The following TTC27 variants were observed in gnomAD, a reference collection of about 807,000 sequenced individuals.
The protein encoded by TTC27 is tetratricopeptide repeat protein 27.
In TTC27, 79 loss-of-function variants were observed where a neutral mutation model predicts 115.9. The ratio of observed to expected loss-of-function variants is 0.68; its 90% CI spans 0.57 to 0.82. The LOEUF (loss-of-function observed/expected upper bound fraction) is 0.82, where lower values mean the gene tolerates loss of function less well. TTC27 is among the 40% of genes least tolerant of loss of function. The probability of loss-of-function intolerance (pLI) is 0.00; values close to 1 mark genes in which losing one functional copy is unlikely to be tolerated. For missense variants in TTC27, 1,054 were observed against 993.1 expected, an observed-to-expected ratio of 1.06 and a Z score of -0.82; for synonymous variants, 401 against 356.0, an observed-to-expected ratio of 1.13 and a Z score of -1.42.
intron 12 of TTC27, among the ~76,000 whole-genome samples, chr2:32,738,104 A>G (rs1668504934): frequency 6.6e-6 from 1 of 152,200 alleles, no homozygotes; most frequent in African/African-American, 2.4e-5. Flanking sequence ...GTAAATGAGG[A>G]AAGGTTTCCC....
intron 9 of TTC27, among the ~76,000 whole-genome samples, chr2:32,686,543 T>G (rs1254324075): frequency 6.6e-6 from 1 of 151,808 alleles, no homozygotes; most frequent in Non-Finnish European, 1.5e-5. Context: ...TGTGTTTGGG[T>G]AGAGACAGAG....
At chr2:32,717,341 C>G (rs182668483) in intron 10 of TTC27, among the ~76,000 whole-genome samples, 1 of 152,040 alleles carries the variant, frequency 6.6e-6, no homozygotes, top group African/African-American at 2.4e-5. Context: ...TGTGAGTGTA[C>G]TGATTATTGA....
intron 12 of TTC27, among the ~76,000 whole-genome samples, chr2:32,747,529 G>A (rs1350313432): frequency 5.9e-5 from 9 of 152,154 alleles, no homozygotes; most frequent in Admixed American, 5.9e-4. Flanking sequence ...GGTACTTGAT[G>A]TACAGTTTCT....
chr2:32,757,350 T>A (rs1021640022), intron 12 of TTC27, among the ~76,000 whole-genome samples: 16 of 152,206 alleles, frequency 1.1e-4, no homozygotes, highest in African/African-American at 3.6e-4. Flanking sequence ...CCTGATATCA[T>A]TAAGTAAACC....
At chr2:32,780,597 G>A (rs904276850) in intron 14 of TTC27, among the ~76,000 whole-genome samples, 3 of 151,896 alleles carry the variant, frequency 2.0e-5, no homozygotes, top group African/African-American at 4.8e-5. Context: ...GCAGCACCAC[G>A]CCTGACAAAT....
chr2:32,769,669 G>T (rs1205319705), intron 13 of TTC27, among the ~76,000 whole-genome samples: 1 of 152,102 alleles, frequency 6.6e-6, no homozygotes, highest in Non-Finnish European at 1.5e-5. Flanking sequence ...GAAGATATTA[G>T]CTTTGGAAAT....
At chr2:32,788,537 T>G (rs955970594) in intron 16 of TTC27, among the ~76,000 whole-genome samples, 2 of 152,238 alleles carry the variant, frequency 1.3e-5, no homozygotes, top group Non-Finnish European at 1.5e-5. Context: ...ATTGGCTTCC[T>G]TGGTCAGTCT....
At chr2:32,796,487 TAAA>T (rs1670706887) in intron 16 of TTC27, among the ~76,000 whole-genome samples, 1 of 152,040 alleles carries the variant, frequency 6.6e-6, no homozygotes, top group African/African-American at 2.4e-5. Flanking sequence ...TCTACAGAAA[TAAA>T]AAGATTATAA....
chr2:32,782,752 G>T, intron 15 of TTC27, 74 bp downstream of exon 15: 1 of 1,183,080 alleles, frequency 8.5e-7, no homozygotes, highest in African/African-American at 1.5e-5. Flanking sequence ...ACTGAACATT[G>T]TTTCAATGTT....
chr2:32,814,724 T>G (rs1277706747), intron 18 of TTC27, among the ~76,000 whole-genome samples: 1 of 152,158 alleles, frequency 6.6e-6, no homozygotes, highest in Non-Finnish European at 1.5e-5. Context: ...TTGCCTGCAG[T>G]GTTCAGTACA....
At chr2:32,745,090 A>G (rs982916495) in intron 12 of TTC27, among the ~76,000 whole-genome samples, 2 of 147,768 alleles carry the variant, frequency 1.4e-5, no homozygotes, top group Non-Finnish European at 3.0e-5. Flanking sequence ...AAGCACATAT[A>G]TCCTCACAGA....
At chr2:32,819,752 G>C (rs1223475726) in intron 19 of TTC27, among the ~76,000 whole-genome samples, 1 of 152,162 alleles carries the variant, frequency 6.6e-6, no homozygotes, top group East Asian at 1.9e-4. Context: ...GTGGCATGAA[G>C]GGGCTGTTCA....
chr2:32,690,834 C>G (rs1387200096), intron 9 of TTC27, among the ~76,000 whole-genome samples: 1 of 152,180 alleles, frequency 6.6e-6, no homozygotes, highest in Non-Finnish European at 1.5e-5. Context: ...AATGAATGCT[C>G]TTTTAAGTAG....
chr2:32,696,199 G>A (rs1256936482), intron 9 of TTC27, among the ~76,000 whole-genome samples: 3 of 151,580 alleles, frequency 2.0e-5, no homozygotes, highest in Non-Finnish European at 4.4e-5. Flanking sequence ...CATCTGTGTT[G>A]TGTATATCAG....
intron 13 of TTC27, among the ~76,000 whole-genome samples, chr2:32,767,579 A>C (rs1028896980): frequency 1.6e-4 from 24 of 149,262 alleles, no homozygotes; most frequent in African/African-American, 5.5e-4. Flanking sequence ...CTCCTGCCTC[A>C]GCCTCCCGAG....
intron 2 of TTC27, 64 bp from the exon 3 acceptor site, chr2:32,633,812 G>A: frequency 6.6e-7 from 1 of 1,508,654 alleles, no homozygotes; most frequent in Non-Finnish European, 9.1e-7. Context: ...AAATGGAATA[G>A]TGTGTTTGAG....
intron 13 of TTC27, among the ~76,000 whole-genome samples, chr2:32,765,864 T>G (rs547605691): frequency 1.1e-4 from 17 of 152,304 alleles, no homozygotes; most frequent in African/African-American, 4.1e-4. Flanking sequence ...CTTCTCCACC[T>G]TTCTCAGCCT....
intron 9 of TTC27, among the ~76,000 whole-genome samples, chr2:32,681,703 G>A (rs945228497): frequency 2.1e-5 from 3 of 142,692 alleles, no homozygotes; most frequent in African/African-American, 7.9e-5. Context: ...TTTCCCAACT[G>A]TAGGCTAACG....
At chr2:32,755,189 G>A (rs927557096) in intron 12 of TTC27, among the ~76,000 whole-genome samples, 1 of 152,176 alleles carries the variant, frequency 6.6e-6, no homozygotes, top group Non-Finnish European at 1.5e-5. Flanking sequence ...GTGGCGGCCG[G>A]GCAGAGGCTG....
Sources: gnomAD v4.1 joint callset for allele counts (sites outside exome capture counted in the v4.1 genomes callset) on GRCh38, gnomAD v4.1.1 for gene constraint, MANE v1.5 for transcripts, NCBI Gene and HGNC (gene_info 2026-07-23, HGNC 2026-07-21) for gene names.